Variants in PARD3B observed in about 807,000 individuals in gnomAD.
PARD3B encodes partitioning defective 3 homolog B.
In PARD3B, 103 loss-of-function variants were observed where a neutral mutation model predicts 130.2. The observed-to-expected ratio is 0.79, with a 90% CI of 0.67 to 0.93. PARD3B has a LOEUF of 0.93. PARD3B is among the 40% of genes least tolerant of loss of function. PARD3B has a pLI of 0.00. For missense variants in PARD3B, 1,609 were observed against 1,499.2 expected (o/e 1.07, Z -1.21); for synonymous variants, 583 against 553.2 (o/e 1.05, Z -0.76).
chr2:205,206,485 C>T (rs1002471176), intron 15 of PARD3B, among the ~76,000 whole-genome samples: 20 of 150,106 alleles, frequency 1.3e-4, no homozygotes, highest in African/African-American at 3.4e-4. Context: ...TCTGTTCTTG[C>T]GATAGTTTAC....
At chr2:204,772,813 C>T (rs373407469) in intron 2 of PARD3B, among the ~76,000 whole-genome samples, 12 of 151,774 alleles carry the variant, frequency 7.9e-5, no homozygotes, top group East Asian at 1.9e-4. Flanking sequence ...TAAAACAACA[C>T]GTGTTACAGC....
At position 205,176,629 on chromosome 2, in the gene PARD3B, G is replaced by A. The variant is rs2035486572; in HGVS notation, c.1924+52G>A. 4.3e-6 allele frequency: 6 copies of A among 1,409,400 alleles called. No individual in the cohort carries two copies. The highest frequency in any genetic ancestry group is 2.9e-5 in the South Asian group (2 of 68,562). The allele number at this position is 1,409,400 out of a possible 1,614,324, so 87.3% of individuals were successfully genotyped here. ...GCAAATGGAGTGAGAAAACACAAAA[G>A]TGTCTTTTTATCTAAAAAAAAAAAA... On this transcript the variant is annotated intron_variant, in intron 13 of 22. Transcript: ENST00000406610. The surrounding 1 kb of genome is among the most constrained non-coding windows in gnomAD (Gnocchi z 5.3).
At chr2:205,113,759 T>A (rs1478801737) in intron 6 of PARD3B, among the ~76,000 whole-genome samples, 182 bp downstream of exon 6, 1 of 152,156 alleles carries the variant, frequency 6.6e-6, no homozygotes, top group East Asian at 1.9e-4. Context: ...GACTTTAGGA[T>A]GTAATGGGGA....
intron 2 of PARD3B, among the ~76,000 whole-genome samples, chr2:204,940,377 C>A (rs759065351): frequency 3.9e-5 from 6 of 152,060 alleles, no homozygotes; most frequent in African/African-American, 1.2e-4. Context: ...AGTGACAATT[C>A]TCTGGGAGCG....
rs1689084421 is a variant in PARD3B at position 204,943,582 on chromosome 2, C to T, written c.223-21570C>T. 6.6e-6 allele frequency among the ~76,000 whole-genome samples: 1 copy of T among 152,160 alleles called. No homozygotes were observed. The highest frequency in any genetic ancestry group is 1.5e-5 in the Non-Finnish European group (1 of 68,032). On this transcript the variant is annotated intron_variant, in intron 2 of 22. Coordinates refer to ENST00000406610, the MANE Select transcript of PARD3B (RefSeq NM_001302769.2). The surrounding 1 kb of genome is among the most constrained non-coding windows in gnomAD (Gnocchi z 4.2). ...GTAAATGGCTTGTGCCATGAGAAAC[C>T]AAACTGTGATTACTAGGGAAGATTT...
intron 5 of PARD3B, among the ~76,000 whole-genome samples, chr2:205,108,033 G>A (rs994672277): frequency 2.6e-5 from 4 of 151,990 alleles, no homozygotes; most frequent in African/African-American, 4.8e-5. Context: ...AAACGCCAGC[G>A]CATTTTAGCC....
intron 3 of PARD3B, among the ~76,000 whole-genome samples, chr2:205,019,281 T>C (rs998027737): frequency 6.6e-6 from 1 of 152,218 alleles, no homozygotes; most frequent in Non-Finnish European, 1.5e-5. Context: ...TAGCATGTTT[T>C]CAAGGTTCAT....
At chr2:205,018,749 A>AAAAAAAAAAAG (rs1559359658) in intron 3 of PARD3B, among the ~76,000 whole-genome samples, 19 of 120,022 alleles carry the variant, frequency 1.6e-4, no homozygotes, top group Non-Finnish European at 2.6e-4. Flanking sequence ...AAAAAAAAAA[A>AAAAAAAAAAAG]AGCACGCTGA....
At chr2:204,614,362 A>G (rs973170463) in intron 1 of PARD3B, among the ~76,000 whole-genome samples, 1 of 152,134 alleles carries the variant, frequency 6.6e-6, no homozygotes, top group Non-Finnish European at 1.5e-5. Context: ...TACTTAGAGT[A>G]TATCTCAATT....
intron 2 of PARD3B, among the ~76,000 whole-genome samples, chr2:204,935,474 G>A (rs1688376561): frequency 6.6e-6 from 1 of 151,706 alleles, no homozygotes; most frequent in Admixed American, 6.6e-5. Flanking sequence ...GGGAGGTGGA[G>A]CTTGCAGTGA....
At position 205,160,580 on chromosome 2, in the gene PARD3B, G is replaced by A. The variant is rs890807544; in HGVS notation, c.1620+1673G>A. ...GGCAAAGATGTAGATACAGAGAAGGGTAAAGAATTGAGTCCCATCACTCCA... is the reference window on the plus strand; with the variant it reads ...GGCAAAGATGTAGATACAGAGAAGGATAAAGAATTGAGTCCCATCACTCCA... On this transcript the variant is annotated intron_variant, in intron 11 of 22. Transcript: ENST00000406610. The surrounding 1 kb of genome is among the most constrained non-coding windows in gnomAD (Gnocchi z 4.0). Among the ~76,000 whole-genome samples, 5 of 152,284 alleles carry A rather than the reference G, an allele frequency of 3.3e-5. No homozygotes were observed. The highest frequency in any genetic ancestry group is 6.5e-5 in the Admixed American group (1 of 15,308).
chr2:205,371,389 G>A (rs948168487), intron 18 of PARD3B, among the ~76,000 whole-genome samples: 3 of 152,094 alleles, frequency 2.0e-5, no homozygotes, highest in Non-Finnish European at 2.9e-5. Flanking sequence ...AAATGTGGCA[G>A]GTAGACACAT....
rs954346280 is a variant in PARD3B at position 205,244,122 on chromosome 2, G to C, written c.2141-1656G>C. Among the ~76,000 whole-genome samples the C allele has an allele frequency of 1.3e-5, 2 of 152,162 alleles. No individual in the cohort carries two copies. The highest frequency in any genetic ancestry group is 6.5e-5 in the Admixed American group (1 of 15,280). ...GGAACAGAATAATCACAGATATGTA[G>C]TGCTTTTATCTAGAAAATAAAGAAA... is the stretch of plus-strand genomic sequence containing the variant. On this transcript the variant is annotated intron_variant, in intron 15 of 22. Transcript: ENST00000406610. This position sits in a 1 kb window ranked among gnomAD's most constrained non-coding sequence, Gnocchi z 4.7.
At chr2:205,188,761 G>A (rs928198252) in intron 14 of PARD3B, among the ~76,000 whole-genome samples, 21 of 143,766 alleles carry the variant, frequency 1.5e-4, no homozygotes, top group Non-Finnish European at 1.5e-4. Flanking sequence ...GAGCAAGAAA[G>A]GCTCTCCTGC....
At chr2:205,161,316 T>G (rs1333730871) in intron 11 of PARD3B, among the ~76,000 whole-genome samples, 1 of 152,184 alleles carries the variant, frequency 6.6e-6, no homozygotes, top group African/African-American at 2.4e-5. Flanking sequence ...ATTTCTTTCC[T>G]GACACTGGTC....
intron 2 of PARD3B, among the ~76,000 whole-genome samples, chr2:204,821,761 C>G (rs949573360): frequency 2.0e-5 from 3 of 151,776 alleles, no homozygotes; most frequent in African/African-American, 7.3e-5. Flanking sequence ...TGCACAAGCT[C>G]TCTGTCTTTG....
At chr2:205,540,425 C>G (rs1030503882) in intron 21 of PARD3B, among the ~76,000 whole-genome samples, 2 of 151,982 alleles carry the variant, frequency 1.3e-5, no homozygotes, top group Non-Finnish European at 2.9e-5. Context: ...TTTTTGGTGG[C>G]AAAATTGTCC....
rs565836323 is a variant in PARD3B, at chr2:205,618,160, T to G, written c.*2347T>G. The G allele has an allele frequency of 6.6e-6, 1 of 152,326 alleles. No homozygotes were observed. Among genetic ancestry groups the G allele is most frequent in the Non-Finnish European group, 1.5e-5 (1 of 68,034 alleles). The allele number at this position is 152,326 out of a possible 1,614,324, so 9.4% of individuals were successfully genotyped here. A position where few individuals can be genotyped will look rare whatever the true frequency, so the allele number is the denominator to read the frequency against. On this transcript the variant is annotated 3_prime_UTR_variant, in exon 23 of 23. Coordinates refer to ENST00000406610, the MANE Select transcript of PARD3B (RefSeq NM_001302769.2). ...GCTAATCCTGAATGGCAGCCAGTGA[T>G]GTGAAGGTACTATTAAAGTGAACAA...
In PARD3B at chr2:205,152,692, G is replaced by A. The variant is rs557924867; in HGVS notation, c.1435-6030G>A. Among the ~76,000 whole-genome samples the A allele has an allele frequency of 8.5e-5, 13 of 152,182 alleles. No homozygotes were observed. The South Asian group carries it at 2.7e-3, about 32-fold the overall frequency. On this transcript the variant is annotated intron_variant, in intron 10 of 22. Coordinates refer to ENST00000406610, the MANE Select transcript of PARD3B (RefSeq NM_001302769.2). ...CAAGGTTTTTAGCTTCCTCGCAATG[G>A]GTTCGAATATCCTCCTTTAGCTCGG...
Sources: gnomAD v4.1 joint callset for allele counts (sites outside exome capture counted in the v4.1 genomes callset) on GRCh38, gnomAD v4.1.1 for gene constraint, Gnocchi (gnomAD v3.1) non-coding constraint, MANE v1.5 for transcripts, NCBI Gene and HGNC (gene_info 2026-07-23, HGNC 2026-07-21) for gene names.